The following KLF8 variants were observed in gnomAD, a reference collection of about 807,000 sequenced individuals.
The protein encoded by KLF8 is KLF transcription factor 8, also known as Krueppel-like factor 8.
A neutral mutation model predicts 18.2 loss-of-function variants in KLF8; 10 were observed. That is an observed-to-expected ratio of 0.55 (90% CI 0.34 to 0.93). KLF8 has a LOEUF of 0.93. Among genes scored for constraint, KLF8 ranks in the 40% least tolerant of loss-of-function variants. The pLI is 0.02. For missense variants in KLF8, 264 were observed against 277.9 expected (o/e 0.95, Z 0.36); for synonymous variants, 109 against 97.3 (o/e 1.12, Z -0.71).
chrX:56,251,420 T>C (rs1413186654), intron 2 of KLF8, among the ~76,000 whole-genome samples: 1 of 112,162 alleles, frequency 8.9e-6, no homozygotes, highest in Non-Finnish European at 1.9e-5. Flanking sequence ...TGTTATAATT[T>C]CAACTTTTAT....
At chrX:56,093,020 A>T in the KLF8 span, among the ~76,000 whole-genome samples, 1 of 110,765 alleles carries the variant, frequency 9.0e-6, no homozygotes, top group Admixed American at 9.7e-5. Context: ...TGAATGAAAA[A>T]AAAAAAACAG....
At chrX:56,075,447 A>G in the KLF8 span, among the ~76,000 whole-genome samples, 1 of 111,534 alleles carries the variant, frequency 9.0e-6, no homozygotes, top group African/African-American at 3.3e-5. Flanking sequence ...ACAGGCATAT[A>G]ATGTGTAATA....
At chrX:56,268,399 A>G (rs1297413806) in intron 3 of KLF8, 2 of 111,890 alleles carry the variant, frequency 1.8e-5, no homozygotes, top group Admixed American at 9.5e-5. Flanking sequence ...CATAAAGGCT[A>G]TAACTAGTTT....
At chrX:56,081,545 C>G in the KLF8 span, among the ~76,000 whole-genome samples, 1 of 111,917 alleles carries the variant, frequency 8.9e-6, no homozygotes, top group Admixed American at 9.5e-5. Flanking sequence ...GTGGGCAACC[C>G]TATTTTGTTC....
the KLF8 span, among the ~76,000 whole-genome samples, chrX:56,149,318 C>A: frequency 9.0e-6 from 1 of 111,488 alleles, no homozygotes; most frequent in African/African-American, 3.3e-5. Flanking sequence ...GCATGAGATT[C>A]AAAGGGAGAG....
At chrX:56,230,848 A>G (rs1195863434), upstream of KLF8, among the ~76,000 whole-genome samples, 1 of 111,204 alleles carries the variant, frequency 9.0e-6, no homozygotes, top group Non-Finnish European at 1.9e-5. Flanking sequence ...CAATTATACC[A>G]ACAAATATGT....
the KLF8 span, chrX:55,961,956 C>G: frequency 5.4e-6 from 1 of 185,838 alleles, no homozygotes; most frequent in African/African-American, 3.1e-5. Context: ...ATGATTGTAA[C>G]AAGGATGCCT....
the KLF8 span, among the ~76,000 whole-genome samples, chrX:56,153,501 T>C: frequency 2.7e-5 from 3 of 111,716 alleles, no homozygotes; most frequent in African/African-American, 9.7e-5. Flanking sequence ...GAAGAAAATA[T>C]GGCTTTAAAA....
the KLF8 span, among the ~76,000 whole-genome samples, chrX:56,021,636 T>G: frequency 9.1e-6 from 1 of 110,207 alleles, no homozygotes; most frequent in Non-Finnish European, 1.9e-5. Flanking sequence ...CCATTGAATT[T>G]TTTTGAAGTT....
intron 5 of KLF8, among the ~76,000 whole-genome samples, chrX:56,279,995 C>T (rs1355146648): frequency 9.0e-6 from 1 of 111,495 alleles, no homozygotes; most frequent in Non-Finnish European, 1.9e-5. Context: ...TAGAGAGTGC[C>T]GTCTCTGTCT....
At chrX:56,158,643 T>C in the KLF8 span, among the ~76,000 whole-genome samples, 1 of 112,039 alleles carries the variant, frequency 8.9e-6, no homozygotes, top group Non-Finnish European at 1.9e-5. Context: ...TTTAATTCTC[T>C]TTGAAGCAAT....
the KLF8 span, among the ~76,000 whole-genome samples, chrX:55,991,604 A>T: frequency 1.8e-5 from 2 of 111,096 alleles, no homozygotes; most frequent in East Asian, 5.7e-4. Flanking sequence ...TCACGCTGGG[A>T]CCTGTAGACT....
chrX:56,080,936 T>A, the KLF8 span, among the ~76,000 whole-genome samples: 1 of 111,249 alleles, frequency 9.0e-6, no homozygotes, highest in African/African-American at 3.3e-5. Context: ...TCCAGTTGAT[T>A]GCATCGGCTC....
chrX:55,988,777 T>G, the KLF8 span, among the ~76,000 whole-genome samples: 3 of 111,694 alleles, frequency 2.7e-5, no homozygotes, highest in South Asian at 3.8e-4. Context: ...CATTGAATCT[T>G]TAAATTACCT....
chrX:56,076,796 G>C, the KLF8 span, among the ~76,000 whole-genome samples: 4 of 111,766 alleles, frequency 3.6e-5, no homozygotes. Flanking sequence ...ATCCTCTCCA[G>C]CACATGTTGT....
the KLF8 span, among the ~76,000 whole-genome samples, chrX:56,041,839 G>T: frequency 1.8e-5 from 2 of 111,503 alleles, no homozygotes; most frequent in Non-Finnish European, 3.8e-5. Context: ...ACAGGCACAT[G>T]CCACAACACT....
the KLF8 span, among the ~76,000 whole-genome samples, chrX:55,922,644 C>T: frequency 8.9e-6 from 1 of 111,978 alleles, no homozygotes; most frequent in African/African-American, 3.3e-5. Context: ...AGAAAAAATC[C>T]CATTAAAAAA....
chrX:56,211,574 G>C, the KLF8 span, among the ~76,000 whole-genome samples: 1 of 112,282 alleles, frequency 8.9e-6, no homozygotes, highest in African/African-American at 3.2e-5. Context: ...TCTACAGTTA[G>C]CAGGTTGCAA....
At chrX:55,993,916 T>TC in the KLF8 span, among the ~76,000 whole-genome samples, 1 of 106,075 alleles carries the variant, frequency 9.4e-6, no homozygotes, top group East Asian at 2.9e-4. Flanking sequence ...AGAGGTTTTT[T>TC]TTTTTTTTTT....
Sources: allele counts gnomAD v4.1 joint callset (sites outside exome capture counted in the v4.1 genomes callset), GRCh38; gene constraint gnomAD v4.1.1; transcripts MANE v1.5; gene names NCBI Gene and HGNC (gene_info 2026-07-23, HGNC 2026-07-21).